QTMAN: variants seen among roughly 807,000 people sequenced by gnomAD.
QTMAN encodes the protein queuosine-tRNA mannosyltransferase, also known as tRNA-queuosine alpha-mannosyltransferase.
At chr2:143,953,093 CA>C in the QTMAN span, among the ~76,000 whole-genome samples, 1 of 151,764 alleles carries the variant, frequency 6.6e-6, no homozygotes, top group South Asian at 2.1e-4. Flanking sequence ...CGCAGCTCTG[CA>C]TTTTTTTTTG....
the QTMAN span, among the ~76,000 whole-genome samples, chr2:144,080,559 C>T: frequency 3.9e-5 from 6 of 152,170 alleles, no homozygotes; most frequent in Admixed American, 2.6e-4. Flanking sequence ...ATTATGTCTC[C>T]GTAAGGTTTC....
At chr2:144,148,958 A>G in the QTMAN span, among the ~76,000 whole-genome samples, 1 of 151,854 alleles carries the variant, frequency 6.6e-6, no homozygotes, top group Admixed American at 6.6e-5. Flanking sequence ...CTTGCTCGTA[A>G]AACGGTAAAG....
the QTMAN span, among the ~76,000 whole-genome samples, chr2:144,026,145 C>T: frequency 3.3e-5 from 5 of 152,216 alleles, no homozygotes; most frequent in African/African-American, 7.2e-5. Context: ...AAGAAAAGAA[C>T]GGACTTGGTT....
At chr2:144,239,227 G>A in the QTMAN span, among the ~76,000 whole-genome samples, 5 of 150,954 alleles carry the variant, frequency 3.3e-5, no homozygotes, top group Non-Finnish European at 5.9e-5. Context: ...ATATAGAAAC[G>A]TATTTCATTA....
the QTMAN span, among the ~76,000 whole-genome samples, chr2:144,203,194 C>A: frequency 7.1e-6 from 1 of 140,780 alleles, no homozygotes; most frequent in Non-Finnish European, 1.6e-5. Flanking sequence ...TGTGTGTGCA[C>A]GTGCGCACGC....
chr2:144,103,948 G>C, the QTMAN span, among the ~76,000 whole-genome samples: 5 of 152,084 alleles, frequency 3.3e-5, no homozygotes, highest in African/African-American at 7.2e-5. Context: ...AAATTAGCCA[G>C]GTGTGGTGGT....
At chr2:143,940,130 A>G in the QTMAN span, 15 of 152,314 alleles carry the variant, frequency 9.8e-5, no homozygotes, top group East Asian at 2.9e-3. Context: ...GCTTTTCAGA[A>G]CTGTCTCCAT....
the QTMAN span, among the ~76,000 whole-genome samples, chr2:144,215,243 ATT>A: frequency 2.0e-5 from 3 of 147,872 alleles, no homozygotes; most frequent in African/African-American, 7.5e-5. Flanking sequence ...TCCTGTCTTT[ATT>A]TTTTAAAAAA....
chr2:144,001,860 C>T, the QTMAN span, among the ~76,000 whole-genome samples: 2 of 151,660 alleles, frequency 1.3e-5, no homozygotes, highest in African/African-American at 4.8e-5. Context: ...AAAATTTAGT[C>T]TATGAGAACT....
chr2:144,102,593 G>T, the QTMAN span, among the ~76,000 whole-genome samples: 1 of 152,180 alleles, frequency 6.6e-6, no homozygotes, highest in South Asian at 2.1e-4. Context: ...GACATGTCAT[G>T]ACATGTGCAC....
the QTMAN span, among the ~76,000 whole-genome samples, chr2:143,975,234 TCTTA>T: frequency 1.3e-5 from 2 of 152,248 alleles, no homozygotes; most frequent in African/African-American, 4.8e-5. Flanking sequence ...CTAAATTTCT[TCTTA>T]TTCGTCACTT....
chr2:144,061,392 T>G, the QTMAN span, among the ~76,000 whole-genome samples: 2 of 152,216 alleles, frequency 1.3e-5, no homozygotes, highest in Admixed American at 1.3e-4. Context: ...TTTCTTTGAA[T>G]TGCTTTATTA....
At chr2:144,202,617 T>C in the QTMAN span, among the ~76,000 whole-genome samples, 1 of 152,194 alleles carries the variant, frequency 6.6e-6, no homozygotes, top group African/African-American at 2.4e-5. Flanking sequence ...CATTTGGGGA[T>C]GAGTTTTTTT....
the QTMAN span, among the ~76,000 whole-genome samples, chr2:144,042,983 A>G: frequency 6.6e-6 from 1 of 152,048 alleles, no homozygotes; most frequent in Admixed American, 6.5e-5. Flanking sequence ...AGCACCAAAG[A>G]GTTTCATAAA....
chr2:144,208,116 T>G, the QTMAN span, among the ~76,000 whole-genome samples: 1 of 152,116 alleles, frequency 6.6e-6, no homozygotes, highest in Non-Finnish European at 1.5e-5. Flanking sequence ...CCTTCAAGAA[T>G]AAGTCAAAGG....
chr2:143,991,008 C>A, the QTMAN span, among the ~76,000 whole-genome samples: 3 of 151,540 alleles, frequency 2.0e-5, 1 homozygote, highest in South Asian at 6.2e-4. Flanking sequence ...GCAGGTTCAA[C>A]AAAGCTTAAG....
the QTMAN span, among the ~76,000 whole-genome samples, chr2:144,076,591 C>T: frequency 6.6e-6 from 1 of 152,086 alleles, no homozygotes; most frequent in South Asian, 2.1e-4. Context: ...TGGGTAAAGG[C>T]AAACAGTCTG....
At chr2:144,060,365 A>G in the QTMAN span, among the ~76,000 whole-genome samples, 1 of 152,006 alleles carries the variant, frequency 6.6e-6, no homozygotes, top group South Asian at 2.1e-4. Flanking sequence ...GGTTCAAGCG[A>G]TTCTCCTGCC....
chr2:144,172,621 CAAAAAAAAA>C, the QTMAN span, among the ~76,000 whole-genome samples: 3 of 51,366 alleles, frequency 5.8e-5, no homozygotes, highest in East Asian at 6.1e-4. Flanking sequence ...AAGACTCTGT[CAAAAAAAAA>C]AAAAAAAAAA....
Sources: gnomAD v4.1 joint callset for allele counts (sites outside exome capture counted in the v4.1 genomes callset) on GRCh38, gnomAD v4.1.1 for gene constraint, MANE v1.5 for transcripts, NCBI Gene and HGNC (gene_info 2026-07-23, HGNC 2026-07-21) for gene names.